Variants in NCOR2 observed in about 807,000 individuals in gnomAD.
NCOR2 encodes nuclear receptor corepressor 2, also known as CTG repeat protein 26.
NCOR2 carries 81 observed loss-of-function variants against 262.9 expected under a neutral mutation model. That is an observed-to-expected ratio of 0.31 (90% confidence interval 0.26 to 0.37). The LOEUF is 0.37. Ranked by LOEUF, NCOR2 falls within the 10% of genes least tolerant of loss-of-function variation. The pLI is 1.00. For synonymous variants in NCOR2, 1,659 were observed against 1,559.3 expected, an observed-to-expected ratio of 1.06 and a Z score of -1.51; for missense variants, 3,385 against 3,621.4, an observed-to-expected ratio of 0.93 and a Z score of 1.68.
chr12:124,489,929 G>A (rs916285381), intron 1 of NCOR2, among the ~76,000 whole-genome samples: 9 of 152,248 alleles, frequency 5.9e-5, no homozygotes, highest in Middle Eastern at 3.4e-3. Context: ...TACTCCAGAA[G>A]GTGTCAAGGG....
chr12:124,335,687 G>A (rs1020414682), intron 38 of NCOR2, 55 bp from the exon 41 acceptor site: 36 of 1,544,782 alleles, frequency 2.3e-5, no homozygotes, highest in South Asian at 5.9e-5. Flanking sequence ...TTCGGAGCCC[G>A]AGGGGCAGGG....
At chr12:124,347,573 A>G in intron 30 of NCOR2, 1 of 504,750 alleles carries the variant, frequency 2.0e-6, no homozygotes, top group Non-Finnish European at 3.6e-6. Context: ...TGCCAAGCAC[A>G]GGACAGTTGC....
intron 20 of NCOR2, among the ~76,000 whole-genome samples, chr12:124,364,405 T>G (rs1249590786): frequency 6.6e-6 from 1 of 152,018 alleles, no homozygotes; most frequent in Non-Finnish European, 1.5e-5. Context: ...TCCTAGACTC[T>G]CTCCCACACA....
rs1259340500 is a variant in NCOR2, at chr12:124,482,596, AG to A, written c.411+999del. On this transcript the variant is annotated intron_variant, in intron 3 of 46. Transcript: ENST00000405201. The surrounding 1 kb of genome is among the most constrained non-coding windows in gnomAD (Gnocchi z 6.3). The stretch of plus-strand genomic sequence containing the variant: ...CCACAAGGTCCCAGATCAGTGAGGA[AG>A]AAATGGGGATCAGAGAGGCACAAAG... Among the ~76,000 whole-genome samples the A allele has an allele frequency of 6.6e-6, 1 of 152,166 alleles. No homozygotes were observed. Among genetic ancestry groups the A allele is most frequent in the African/African-American group, 2.4e-5 (1 of 41,440 alleles).
intron 11 of NCOR2, among the ~76,000 whole-genome samples, chr12:124,423,910 C>G (rs140953138): frequency 1.3e-3 from 199 of 152,342 alleles, no homozygotes; most frequent in African/African-American, 4.5e-3. Context: ...ACATGGCCAG[C>G]ACGTGGTGGA....
chr12:124,388,687 CCT>C, intron 16 of NCOR2: 1 of 1,304,514 alleles, frequency 7.7e-7, no homozygotes, highest in Non-Finnish European at 1.0e-6. Flanking sequence ...TCACTCACAT[CCT>C]CTCATTCGCG....
In NCOR2 at chr12:124,327,391, C is replaced by CGGGGGGGGGGGGGGG. The variant is rs2034774441; in HGVS notation, c.7183+17_7183+18insCCCCCCCCCCCCCCC. 7.3e-7 allele frequency: 1 copy of CGGGGGGGGGGGGGGG among 1,376,784 alleles called. No individual in the cohort carries two copies. Among genetic ancestry groups the CGGGGGGGGGGGGGGG allele is most frequent in the South Asian group, 1.2e-5 (1 of 83,306 alleles). The allele number at this position is 1,376,784 out of a possible 1,614,324, so 85.3% of individuals were successfully genotyped here. The stretch of plus-strand genomic sequence containing the variant: ...GGGGTGGGGACAGACGGGGGCGGGG[C>CGGGGGGGGGGGGGGG]GGGGGTGGCCTGCAGACCTGGCGAG... On this transcript the variant is annotated intron_variant, in intron 45 of 46. Coordinates refer to ENST00000405201, the Ensembl canonical transcript of NCOR2.
chr12:124,429,781 C>G (rs2043810347), intron 9 of NCOR2, 75 bp from the exon 12 acceptor site: 4 of 1,360,662 alleles, frequency 2.9e-6, no homozygotes, highest in Non-Finnish European at 4.1e-6. Context: ...GTGGCGCAGC[C>G]CTGAGCCCAC....
At chr12:124,348,460 G>C in intron 28 of NCOR2, 146 bp from the exon 31 acceptor site, 1 of 1,145,102 alleles carries the variant, frequency 8.7e-7, no homozygotes. Flanking sequence ...GAGGCCTCCA[G>C]AGGGAGCTGG....
chr12:124,347,737 C>A (rs2037060526), intron 30 of NCOR2, 88 bp downstream of exon 32: 1 of 1,363,156 alleles, frequency 7.3e-7, no homozygotes, highest in Non-Finnish European at 1.0e-6. Context: ...TGAGTTCCCA[C>A]CACACTCTGG....
In NCOR2 at chr12:124,471,446, C is replaced by G. The variant is rs2046829805; in HGVS notation, c.591+1506G>C. On this transcript the variant is annotated intron_variant, in intron 4 of 46. Transcript: ENST00000405201. ...TTTTTAATGAGCACCTACTATGTAC[C>G]CCATGCTGCTCAGAACACAGCAGTT... Among the ~76,000 whole-genome samples, 3 of 152,296 alleles carry G rather than the reference C, an allele frequency of 2.0e-5. No homozygotes were observed. In the South Asian group the frequency reaches 6.2e-4, roughly 32 times the overall value.
chr12:124,528,945 C>T (rs1359579249), intron 1 of NCOR2, among the ~76,000 whole-genome samples: 1 of 152,124 alleles, frequency 6.6e-6, no homozygotes, highest in East Asian at 1.9e-4. Flanking sequence ...TTTGGGAGGC[C>T]GAGGCGGGCA....
At chr12:124,427,557 G>A (rs76381938) in intron 10 of NCOR2, among the ~76,000 whole-genome samples, 3,630 of 152,260 alleles carry the variant, frequency 0.024, 141 homozygotes, top group African/African-American at 0.083. Context: ...CTGCCCGGCC[G>A]CCCACATCCA....
At chr12:124,494,254 G>A (rs1355836353) in intron 1 of NCOR2, among the ~76,000 whole-genome samples, 2 of 152,040 alleles carry the variant, frequency 1.3e-5, no homozygotes, top group Non-Finnish European at 2.9e-5. Flanking sequence ...CACCCCCACG[G>A]TGGCCGGCAG....
In NCOR2 at chr12:124,398,073, C is replaced by A. The variant is rs1372129457; in HGVS notation, c.1876+46G>T. ...TCCCCAGCACGTGAGCTTCAGGCGC[C>A]CTGGATGCAAACCAACAAGGCTTAA... On this transcript the variant is annotated intron_variant, in intron 16 of 46. Coordinates refer to ENST00000405201, the Ensembl canonical transcript of NCOR2. 1.9e-6 allele frequency: 3 copies of A among 1,611,282 alleles called. No individual in the cohort carries two copies. The African/African-American group carries it at 4.0e-5, about 22-fold the overall frequency.
At chr12:124,372,665 A>G (rs2039591738) in intron 19 of NCOR2, 55 bp from the exon 22 acceptor site, 2 of 1,479,568 alleles carry the variant, frequency 1.4e-6, no homozygotes, top group East Asian at 2.3e-5. Flanking sequence ...GGCCTCCAGA[A>G]GAGATGCATG....
chr12:124,345,677 G>T (rs1029199059), intron 31 of NCOR2, among the ~76,000 whole-genome samples: 1 of 152,230 alleles, frequency 6.6e-6, no homozygotes, highest in Non-Finnish European at 1.5e-5. Flanking sequence ...TGGTCATGCG[G>T]TGGATGCTTC....
At chr12:124,407,083 C>T (rs965293412) in intron 13 of NCOR2, among the ~76,000 whole-genome samples, 3 of 152,170 alleles carry the variant, frequency 2.0e-5, no homozygotes, top group African/African-American at 4.8e-5. Flanking sequence ...GCCCTACCTC[C>T]GCCCTGGGCT....
At chr12:124,435,151 C>T (rs565246812) in intron 8 of NCOR2, among the ~76,000 whole-genome samples, 5 of 152,288 alleles carry the variant, frequency 3.3e-5, no homozygotes, top group South Asian at 4.1e-4. Flanking sequence ...CTCCCAGATC[C>T]GCACAAAGCC....
Sources: gnomAD v4.1 joint callset for allele counts (sites outside exome capture counted in the v4.1 genomes callset) on GRCh38, gnomAD v4.1.1 for gene constraint, Gnocchi (gnomAD v3.1) non-coding constraint, MANE v1.5 for transcripts, NCBI Gene and HGNC (gene_info 2026-07-23, HGNC 2026-07-21) for gene names.